PAAF1: variants seen among roughly 807,000 people sequenced by gnomAD.
PAAF1 encodes proteasomal ATPase-associated factor 1.
Under a neutral mutation model 52.8 loss-of-function variants are expected in PAAF1, and 46 were observed. The ratio of observed to expected loss-of-function variants is 0.87; its 90% CI spans 0.69 to 1.11. The LOEUF is 1.11. Ranked by LOEUF, PAAF1 falls within the 50% of genes most tolerant of loss-of-function variation. The pLI is 0.00. For missense variants in PAAF1, 424 were observed against 477.4 expected (o/e 0.89, Z 1.04); for synonymous variants, 178 against 172.8 (o/e 1.03, Z -0.24).
chr11:73,885,563 T>C (rs1949038299), intron 2 of PAAF1, among the ~76,000 whole-genome samples: 2 of 151,674 alleles, frequency 1.3e-5, no homozygotes, highest in African/African-American at 2.4e-5. Flanking sequence ...CCTCCCGGCC[T>C]GGTCGTGGTG....
At chr11:73,886,342 A>T (rs1949055333) in intron 2 of PAAF1, among the ~76,000 whole-genome samples, 1 of 152,224 alleles carries the variant, frequency 6.6e-6, no homozygotes, top group Non-Finnish European at 1.5e-5. Flanking sequence ...TGCTGTATCA[A>T]ATCTCTAAAT....
At chr11:73,892,064 C>G (rs574478856) in intron 4 of PAAF1, among the ~76,000 whole-genome samples, 1 of 151,770 alleles carries the variant, frequency 6.6e-6, no homozygotes, top group African/African-American at 2.4e-5. Context: ...GGCTCATGCC[C>G]GTAATCCTAG....
chr11:73,919,189 T>G (rs990902355), intron 10 of PAAF1, among the ~76,000 whole-genome samples, 157 bp downstream of exon 10: 2 of 152,240 alleles, frequency 1.3e-5, no homozygotes, highest in Non-Finnish European at 2.9e-5. Context: ...TACGTTGTGA[T>G]TGTCTGTGTC....
upstream of PAAF1, chr11:73,876,938 C>A: frequency 7.4e-7 from 1 of 1,358,796 alleles, no homozygotes; most frequent in Non-Finnish European, 9.7e-7. Context: ...GGTGTTGAGC[C>A]CACCTCTGTC....
intron 4 of PAAF1, among the ~76,000 whole-genome samples, chr11:73,891,597 GA>G (rs973078286): frequency 1.4e-4 from 22 of 152,162 alleles, no homozygotes; most frequent in African/African-American, 5.3e-4. Context: ...GCAACAGAGT[GA>G]AACCCTGTCT....
chr11:73,887,245 G>T, intron 2 of PAAF1, 109 bp from the exon 3 acceptor site: 2 of 695,908 alleles, frequency 2.9e-6, no homozygotes, highest in Non-Finnish European at 2.3e-6. Flanking sequence ...TCTTTCGTGG[G>T]CCAATTTCAT....
intron 6 of PAAF1, among the ~76,000 whole-genome samples, chr11:73,901,144 T>G (rs1949600569): frequency 1.3e-5 from 2 of 152,144 alleles, no homozygotes; most frequent in South Asian, 4.1e-4. Context: ...TTAGTCTTTT[T>G]GGCTGAGGGA....
In PAAF1 at chr11:73,892,392, T is replaced by C. The variant is rs78104990; in HGVS notation, c.282+1191T>C. On this transcript the variant is annotated intron_variant, in intron 4 of 11. Transcript: ENST00000310571. Reference sequence around the variant, plus strand: ...TCACCCTTATTACAAAACAGATATATACTTAGTGATGAAAATTTAGGACAT... The same window carrying C: ...TCACCCTTATTACAAAACAGATATACACTTAGTGATGAAAATTTAGGACAT... 8.6e-4 allele frequency among the ~76,000 whole-genome samples: 130 copies of C among 150,532 alleles called. 2 individuals are homozygous for C. In the East Asian group the frequency reaches 0.025, roughly 29 times the overall value.
intron 7 of PAAF1, among the ~76,000 whole-genome samples, chr11:73,913,994 G>T (rs1444039379): frequency 1.3e-5 from 2 of 152,046 alleles, no homozygotes; most frequent in Non-Finnish European, 2.9e-5. Context: ...AGACTGTGGG[G>T]TGCTATGTTT....
intron 4 of PAAF1, among the ~76,000 whole-genome samples, chr11:73,897,783 G>T (rs916204334): frequency 6.6e-6 from 1 of 152,060 alleles, no homozygotes; most frequent in Admixed American, 6.5e-5. Context: ...ACAGGGTGGC[G>T]GCCGGGCAGA....
chr11:73,909,386 T>C lies in PAAF1; in HGVS notation c.533-13T>C. On this transcript the variant is annotated splice_polypyrimidine_tract_variant and intron_variant, in intron 6 of 11. Transcript: ENST00000310571. Reference sequence around the variant, plus strand: ...TCCATCCTCCATCTTAGGGAGTTTTTTTCTCTTGCTAGGTATCCTGGATAC... The same window carrying C: ...TCCATCCTCCATCTTAGGGAGTTTTCTTCTCTTGCTAGGTATCCTGGATAC... 1.2e-6 allele frequency: 2 copies of C among 1,613,158 alleles called. No homozygotes were observed. The highest frequency in any genetic ancestry group is 8.5e-7 in the Non-Finnish European group (1 of 1,179,528).
chr11:73,900,174 GTAGGTATTTCATA>G, intron 5 of PAAF1, 83 bp from the exon 6 acceptor site: 1 of 1,316,324 alleles, frequency 7.6e-7, no homozygotes, highest in Non-Finnish European at 1.0e-6. Context: ...GGTTTAGCAT[GTAGGTATTTCATA>G]TAAGGGACCA....
intron 2 of PAAF1, among the ~76,000 whole-genome samples, chr11:73,885,979 A>C (rs35248853): frequency 0.057 from 8,653 of 152,266 alleles, 277 homozygotes; most frequent in Middle Eastern, 0.11. Context: ...AGACTTAAGG[A>C]CTTCACAGTC....
In PAAF1 at chr11:73,914,738, G is replaced by A. The variant is rs566089468; in HGVS notation, c.819+234G>A. Among the ~76,000 whole-genome samples, 25 of 140,100 alleles carry A rather than the reference G, an allele frequency of 1.8e-4. No individual in the cohort carries two copies. The South Asian group carries it at 5.4e-3, about 30-fold the overall frequency. The allele number at this position is 140,100 out of a possible 152,430, so 91.9% of individuals were successfully genotyped here. A position where few individuals can be genotyped will look rare whatever the true frequency, so the allele number is the denominator to read the frequency against. ...TTTGGAGACAGAGTCTCACTCTGTCGCCCAGGTTGGATGGAGTGCAGTGGC... is the reference window on the plus strand; with the variant it reads ...TTTGGAGACAGAGTCTCACTCTGTCACCCAGGTTGGATGGAGTGCAGTGGC... On this transcript the variant is annotated intron_variant, in intron 8 of 11. Transcript: ENST00000310571.
At chr11:73,920,921 C>T (rs929201703) in intron 10 of PAAF1, among the ~76,000 whole-genome samples, 5 of 151,654 alleles carry the variant, frequency 3.3e-5, no homozygotes, top group African/African-American at 4.8e-5. Flanking sequence ...AATCCCAGCA[C>T]TTTGGGAGGC....
intron 7 of PAAF1, among the ~76,000 whole-genome samples, chr11:73,913,729 C>T (rs1226322590): frequency 6.6e-6 from 1 of 151,864 alleles, no homozygotes; most frequent in Admixed American, 6.6e-5. Context: ...AGAATAGTGC[C>T]TGATACATAG....
At chr11:73,901,538 A>T (rs114366942) in intron 6 of PAAF1, among the ~76,000 whole-genome samples, 4,670 of 151,876 alleles carry the variant, frequency 0.031, 77 homozygotes, top group Middle Eastern at 0.048. Context: ...TACTTCTGGG[A>T]TTTTTAACTC....
At chr11:73,892,536 A>G (rs1328474369) in intron 4 of PAAF1, among the ~76,000 whole-genome samples, 1 of 152,206 alleles carries the variant, frequency 6.6e-6, no homozygotes, top group Admixed American at 6.5e-5. Context: ...TTGATTGCCT[A>G]CTATGAGCCA....
chr11:73,913,993 G>A lies in PAAF1; in HGVS notation c.728-420G>A, dbSNP rs111727706. On this transcript the variant is annotated intron_variant, in intron 7 of 11. Transcript: ENST00000310571. Reference sequence around the variant, plus strand: ...TGCACCCAGGGATTCAAGACTGTGGGGTGCTATGTTTGTGCTTGTGAATGG... The same window carrying A: ...TGCACCCAGGGATTCAAGACTGTGGAGTGCTATGTTTGTGCTTGTGAATGG... Among the ~76,000 whole-genome samples the A allele has an allele frequency of 2.0e-3, 311 of 152,088 alleles. 3 individuals carry two copies. Among genetic ancestry groups the A allele is most frequent in the African/African-American group, 7.0e-3 (289 of 41,478 alleles).
Sources: gnomAD v4.1 joint callset for allele counts (sites outside exome capture counted in the v4.1 genomes callset) on GRCh38, gnomAD v4.1.1 for gene constraint, MANE v1.5 for transcripts, NCBI Gene and HGNC (gene_info 2026-07-23, HGNC 2026-07-21) for gene names.